The following BRD7 variants were observed in gnomAD, a reference collection of about 807,000 sequenced individuals.
The protein encoded by BRD7 is bromodomain containing 7, also known as bromodomain-containing protein 7.
BRD7 carries 15 observed loss-of-function variants against 82.1 expected under a neutral mutation model. The observed-to-expected ratio is 0.18, with a 90% CI of 0.12 to 0.28. The LOEUF (loss-of-function observed/expected upper bound fraction) is 0.28, where lower values mean the gene tolerates loss of function less well. Among genes scored for constraint, BRD7 ranks in the 10% least tolerant of loss-of-function variants. The pLI is 1.00. For synonymous variants in BRD7, 232 were observed against 266.9 expected (o/e 0.87, Z 1.27); for missense variants, 638 against 779.9 (o/e 0.82, Z 2.17).
At chr16:50,359,022 A>G (rs996911791) in intron 2 of BRD7, among the ~76,000 whole-genome samples, 4 of 152,052 alleles carry the variant, frequency 2.6e-5, no homozygotes, top group Non-Finnish European at 5.9e-5. Flanking sequence ...CAACCTTTAC[A>G]TTTTCTTTTT....
chr16:50,360,995 C>T (rs561466627), intron 2 of BRD7, among the ~76,000 whole-genome samples: 2 of 152,274 alleles, frequency 1.3e-5, no homozygotes, highest in East Asian at 3.9e-4. Context: ...TGTGTTTTGC[C>T]AGAATTCTCA....
chr16:50,352,532 C>T (rs1197205986), intron 4 of BRD7, among the ~76,000 whole-genome samples: 1 of 152,154 alleles, frequency 6.6e-6, no homozygotes, highest in East Asian at 1.9e-4. Flanking sequence ...CCTGGACATA[C>T]TGATTTCATT....
intron 5 of BRD7, among the ~76,000 whole-genome samples, chr16:50,348,393 A>C (rs1342867827): frequency 2.0e-5 from 3 of 152,180 alleles, no homozygotes; most frequent in African/African-American, 7.2e-5. Flanking sequence ...ATGGCAACAA[A>C]AGCCAAAATT....
rs1421961666 is a variant in BRD7 at position 50,362,696 on chromosome 16, A to C, written c.258+5394T>G. The stretch of plus-strand genomic sequence containing the variant: ...TGCTAAATGATATAGGACAGCTACA[A>C]AAAGACAAATACTGTATCATTCCAC... On this transcript the variant is annotated intron_variant, in intron 2 of 16. Transcript: ENST00000394688. 2.0e-5 allele frequency among the ~76,000 whole-genome samples: 3 copies of C among 152,248 alleles called. No homozygotes were observed. In the East Asian group the frequency reaches 5.8e-4, roughly 29 times the overall value.
chr16:50,355,927 A>G (rs7189450), intron 2 of BRD7, among the ~76,000 whole-genome samples: 8,733 of 152,308 alleles, frequency 0.057, 363 homozygotes, highest in Middle Eastern at 0.14. Flanking sequence ...AACACAACTT[A>G]TAAAACATTA....
intron 5 of BRD7, among the ~76,000 whole-genome samples, chr16:50,346,447 C>T (rs1351040429): frequency 1.3e-5 from 2 of 151,960 alleles, no homozygotes; most frequent in Non-Finnish European, 2.9e-5. Context: ...GATAGAGATA[C>T]AAAAAACCCT....
intron 16 of BRD7, 62 bp downstream of exon 16, chr16:50,319,825 C>T: frequency 6.4e-7 from 1 of 1,559,072 alleles, no homozygotes; most frequent in South Asian, 1.2e-5. Context: ...CTCGGGCAGA[C>T]ACTGAGGGAT....
intron 8 of BRD7, 77 bp from the exon 9 acceptor site, chr16:50,328,821 T>C: frequency 7.4e-7 from 1 of 1,347,440 alleles, no homozygotes; most frequent in Non-Finnish European, 1.1e-6. Context: ...CCGAAATGCT[T>C]GATACCAGAG....
intron 2 of BRD7, among the ~76,000 whole-genome samples, chr16:50,358,434 T>TGCG (rs2038822472): frequency 6.8e-6 from 1 of 146,208 alleles, no homozygotes; most frequent in Non-Finnish European, 1.5e-5. Context: ...AGGTGGAGGT[T>TGCG]GCGGTAAGTC....
chr16:50,367,443 C>T (rs913154980), intron 2 of BRD7, among the ~76,000 whole-genome samples: 6 of 152,136 alleles, frequency 3.9e-5, no homozygotes, highest in African/African-American at 7.2e-5. Context: ...AGGCTGGTCT[C>T]GAACTTCCAG....
chr16:50,364,615 G>T (rs1343421830), intron 2 of BRD7, among the ~76,000 whole-genome samples: 1 of 152,184 alleles, frequency 6.6e-6, no homozygotes, highest in East Asian at 1.9e-4. Flanking sequence ...TGGGACTAAT[G>T]ATCTTTAGAG....
At chr16:50,332,908 CACTTA>C (rs1387708948) in intron 8 of BRD7, among the ~76,000 whole-genome samples, 2 of 152,010 alleles carry the variant, frequency 1.3e-5, no homozygotes, top group African/African-American at 4.8e-5. Context: ...GCCATGTTCT[CACTTA>C]AAAGTAGGAG....
rs780569712 is a variant in BRD7 at position 50,362,198 on chromosome 16, ACT to A, written c.258+5890_258+5891del. Among the ~76,000 whole-genome samples, 7 of 151,958 alleles carry A rather than the reference ACT, an allele frequency of 4.6e-5. No homozygotes were observed. In the East Asian group the frequency reaches 1.2e-3, roughly 25 times the overall value. ...TCTGTGATTTCCCCCAGCTCCATGT[ACT>A]CTCAGGAGCCTCAGAACTAGAACCC... On this transcript the variant is annotated intron_variant, in intron 2 of 16. Transcript: ENST00000394688.
At chr16:50,321,777 G>C (rs2037126298) in intron 13 of BRD7, among the ~76,000 whole-genome samples, 1 of 151,960 alleles carries the variant, frequency 6.6e-6, no homozygotes, top group Non-Finnish European at 1.5e-5. Context: ...CTACATATGG[G>C]CTAAAAACTT....
intron 10 of BRD7, 132 bp from the exon 11 acceptor site, chr16:50,326,015 T>C: frequency 1.0e-6 from 1 of 965,710 alleles, no homozygotes. Context: ...TAAGATATTT[T>C]CTCTCAAACA....
At chr16:50,329,955 C>G (rs2037491127) in intron 8 of BRD7, among the ~76,000 whole-genome samples, 1 of 152,100 alleles carries the variant, frequency 6.6e-6, no homozygotes. Context: ...GTTTGGCTGT[C>G]CCCCCTTCCT....
intron 5 of BRD7, among the ~76,000 whole-genome samples, chr16:50,347,558 A>C (rs1299064741): frequency 6.6e-6 from 1 of 152,240 alleles, no homozygotes; most frequent in Non-Finnish European, 1.5e-5. Context: ...CAACTTCAGC[A>C]AAGTCTCAGG....
At chr16:50,366,680 T>C (rs1475189504) in intron 2 of BRD7, among the ~76,000 whole-genome samples, 1 of 152,162 alleles carries the variant, frequency 6.6e-6, no homozygotes, top group Admixed American at 6.5e-5. Flanking sequence ...TATTTTGAAA[T>C]AGAAATAAGT....
At chr16:50,352,946 A>AATG (rs2038593005) in intron 4 of BRD7, among the ~76,000 whole-genome samples, 1 of 152,206 alleles carries the variant, frequency 6.6e-6, no homozygotes, top group Non-Finnish European at 1.5e-5. Context: ...TGTAAATTGC[A>AATG]ATGGAATACC....
Sources: gnomAD v4.1 joint callset for allele counts (sites outside exome capture counted in the v4.1 genomes callset) on GRCh38, gnomAD v4.1.1 for gene constraint, MANE v1.5 for transcripts, NCBI Gene and HGNC (gene_info 2026-07-23, HGNC 2026-07-21) for gene names.